The following UVSSA variants were observed in gnomAD, a reference collection of about 807,000 sequenced individuals.
UVSSA encodes the protein UV-stimulated scaffold protein A.
UVSSA carries 72 observed loss-of-function variants against 73.9 expected under a neutral mutation model. The observed-to-expected ratio is 0.97, with a 90% CI of 0.81 to 1.19. The LOEUF (loss-of-function observed/expected upper bound fraction) is 1.19. Among genes scored for constraint, UVSSA ranks in the 50% most tolerant of loss-of-function variants. The pLI, the probability that UVSSA is intolerant of heterozygous loss-of-function variation, is 0.00. For synonymous variants in UVSSA, 454 were observed against 391.3 expected (o/e 1.16, Z -1.89); for missense variants, 1,150 against 965.0 (o/e 1.19, Z -2.54).
rs77954873 is a variant in UVSSA, at chr4:1,371,457, C to T, written c.1289-3907C>T. Among the ~76,000 whole-genome samples, 997 of 152,128 alleles carry T rather than the reference C, an allele frequency of 6.6e-3. 17 individuals carry two copies. The highest frequency in any genetic ancestry group is 0.023 in the African/African-American group (950 of 41,464). On this transcript the variant is annotated intron_variant, in intron 8 of 13. Coordinates refer to ENST00000389851, the MANE Select transcript of UVSSA (RefSeq NM_020894.4). ...GTACTTGGTTTTCTTTCGTCAGTTC[C>T]GCGTGTGTGTTGGAGAAGGGACTTC...
At position 1,380,216 on chromosome 4, in the gene UVSSA, C is replaced by T; in HGVS notation, c.1738C>T (p.Gln580Ter). The change falls in exon 11 of 14, where the codon CAA (glutamine) becomes TAA (stop). Residue 580 changes from glutamine to a stop codon, truncating the protein, a stop_gained. Transcript: ENST00000389851. LOFTEE classifies it high-confidence loss of function. ...PRPDGRLCER[Q>*]DRLKCPFHGK... ...GCCAGACGGCCGGCTCTGTGAGCGC[C>T]AAGACCGGCTGAAGGTGAGGCCGTG... is the stretch of plus-strand genomic sequence containing the variant. 6.2e-7 allele frequency: 1 copy of T among 1,611,624 alleles called. No homozygotes were observed. The highest frequency in any genetic ancestry group is 8.5e-7 in the Non-Finnish European group (1 of 1,179,212).
At chr4:1,351,020 C>T (rs141016509) in intron 3 of UVSSA, among the ~76,000 whole-genome samples, 1 of 152,256 alleles carries the variant, frequency 6.6e-6, no homozygotes, top group East Asian at 1.9e-4. Context: ...ATCCTCCTGC[C>T]TCAGCCTCCC....
At position 1,352,816 on chromosome 4, in the gene UVSSA, G is replaced by A. The variant is rs533709460; in HGVS notation, c.551-214G>A. Reference sequence around the variant, plus strand: ...AAAAGTTAGTTGAGCATGGCATCACGTGTCTGTAGTCCCAGCTAATCAGGA... The same window carrying A: ...AAAAGTTAGTTGAGCATGGCATCACATGTCTGTAGTCCCAGCTAATCAGGA... On this transcript the variant is annotated intron_variant, in intron 4 of 13. Coordinates refer to ENST00000389851, the MANE Select transcript of UVSSA (RefSeq NM_020894.4). Among the ~76,000 whole-genome samples, 338 of 152,348 alleles carry A rather than the reference G, an allele frequency of 2.2e-3. 1 individual carries two copies. The highest frequency in any genetic ancestry group is 7.7e-3 in the African/African-American group (321 of 41,578).
rs1240013988 is a variant in UVSSA, at chr4:1,386,575, C to G, written c.*614C>G. On this transcript the variant is annotated 3_prime_UTR_variant, in exon 14 of 14. Coordinates refer to ENST00000389851, the MANE Select transcript of UVSSA (RefSeq NM_020894.4). ...CTGTCCATGCGGAAGCTTGTGCACC[C>G]ATGTTCACAGCAGCATTGGAGAAGG... 1.3e-5 allele frequency: 2 copies of G among 152,734 alleles called. No homozygotes were observed. The highest frequency in any genetic ancestry group is 2.9e-5 in the Non-Finnish European group (2 of 68,426). 9.5% of individuals were successfully genotyped at this position (152,734 alleles called of 1,614,324 possible).
intron 2 of UVSSA, among the ~76,000 whole-genome samples, chr4:1,348,732 A>G (rs1714137259): frequency 6.6e-6 from 1 of 152,154 alleles, no homozygotes; most frequent in Non-Finnish European, 1.5e-5. Context: ...GTAAAATGGC[A>G]GTTTATAGAT....
At position 1,353,212 on chromosome 4, in the gene UVSSA, C is replaced by T. The variant is rs761185498; in HGVS notation, c.733C>T (p.Pro245Ser). Residue 245 changes from proline to serine, a missense_variant, in exon 5 of 14, where the codon CCC (proline) becomes TCC (serine). Transcript: ENST00000389851. ...VGPCRSGTPD[P>S]RDGEQPCCSR... ...CCCCTGCCGGTCTGGCACCCCTGAC[C>T]CCCGGGACGGGGAGCAGCCCTGCTG... 2.5e-6 allele frequency: 4 copies of T among 1,612,482 alleles called. No individual in the cohort carries two copies. The highest frequency in any genetic ancestry group is 2.2e-5 in the South Asian group (2 of 91,060).
chr4:1,379,213 C>T (rs1719138606), intron 10 of UVSSA, among the ~76,000 whole-genome samples: 1 of 152,248 alleles, frequency 6.6e-6, no homozygotes, highest in Non-Finnish European at 1.5e-5. Flanking sequence ...TTGGCACTGC[C>T]CATCTGTCCT....
At chr4:1,374,995 C>T (rs776346201) in intron 8 of UVSSA, 25 of 237,414 alleles carry the variant, frequency 1.1e-4, no homozygotes, top group Non-Finnish European at 1.6e-4. Flanking sequence ...CCTGAGCTGC[C>T]GGGGCTATGG....
At chr4:1,345,357 ACGG>A (rs1713584626), upstream of UVSSA, among the ~76,000 whole-genome samples, 1 of 147,544 alleles carries the variant, frequency 6.8e-6, no homozygotes, top group East Asian at 1.9e-4. Context: ...AGGCCCAGGC[ACGG>A]TGGCCCAGGC....
At chr4:1,385,686 G>C (rs113099622) in intron 13 of UVSSA, 182 bp from the exon 14 acceptor site, 2 of 629,468 alleles carry the variant, frequency 3.2e-6, no homozygotes, top group Non-Finnish European at 5.6e-6. Flanking sequence ...TGTCTGTCTC[G>C]GGCCAGGGCC....
At chr4:1,348,585 C>T (rs965215849) in intron 2 of UVSSA, among the ~76,000 whole-genome samples, 2 of 152,224 alleles carry the variant, frequency 1.3e-5, no homozygotes, top group Non-Finnish European at 2.9e-5. Flanking sequence ...CACCTCTGTT[C>T]ACTTCCTCCA....
upstream of UVSSA, among the ~76,000 whole-genome samples, chr4:1,343,163 G>A (rs1713490391): frequency 6.6e-6 from 1 of 152,104 alleles, no homozygotes; most frequent in Admixed American, 6.5e-5. Context: ...TTTCTTCACG[G>A]TTCTAGAGGA....
intron 10 of UVSSA, among the ~76,000 whole-genome samples, chr4:1,377,704 T>G (rs1012580857): frequency 2.6e-5 from 4 of 152,040 alleles, no homozygotes; most frequent in African/African-American, 9.7e-5. Flanking sequence ...CAGCTGCTGG[T>G]GAGGACCCGG....
At chr4:1,355,316 T>G in intron 7 of UVSSA, 71 bp downstream of exon 7, 2 of 1,321,508 alleles carry the variant, frequency 1.5e-6, no homozygotes, top group Non-Finnish European at 2.1e-6. Context: ...TGTGGGGGGG[T>G]TGTGCCCTGG....
intron 2 of UVSSA, 77 bp downstream of exon 2, chr4:1,348,266 C>T (rs938827461): frequency 1.7e-6 from 2 of 1,173,972 alleles, no homozygotes; most frequent in East Asian, 2.3e-5. Context: ...GCCCTCCTGC[C>T]CCCACCTGGG....
At chr4:1,388,662 G>C (rs1720324917), downstream of UVSSA, 1 of 152,188 alleles carries the variant, frequency 6.6e-6, no homozygotes, top group African/African-American at 2.4e-5. Context: ...GAGTGTTTTT[G>C]TCATAAAGTA....
chr4:1,343,353 C>T (rs1237079020), upstream of UVSSA, among the ~76,000 whole-genome samples: 1 of 152,058 alleles, frequency 6.6e-6, no homozygotes, highest in African/African-American at 2.4e-5. Flanking sequence ...TCTCATTTAA[C>T]GTTCCCCTCT....
intron 8 of UVSSA, among the ~76,000 whole-genome samples, chr4:1,371,590 G>A (rs572367521): frequency 6.6e-6 from 1 of 152,304 alleles, no homozygotes; most frequent in Admixed American, 6.5e-5. Flanking sequence ...ACATGGCTGG[G>A]GAGGCCTCAC....
upstream of UVSSA, among the ~76,000 whole-genome samples, chr4:1,345,763 G>A (rs894232126): frequency 2.6e-4 from 39 of 152,042 alleles, no homozygotes; most frequent in African/African-American, 9.2e-4. Flanking sequence ...ACACCCCGGG[G>A]CAGTGTAAAG....
Sources: allele counts gnomAD v4.1 joint callset (sites outside exome capture counted in the v4.1 genomes callset), GRCh38; gene constraint gnomAD v4.1.1; transcripts MANE v1.5; gene names NCBI Gene and HGNC (gene_info 2026-07-23, HGNC 2026-07-21).